The following FMN1 variants were observed in gnomAD, a reference collection of about 807,000 sequenced individuals.
FMN1 encodes the protein formin-1.
Under a neutral mutation model 132.4 loss-of-function variants are expected in FMN1, and 110 were observed. The ratio of observed to expected loss-of-function variants is 0.83; its 90% CI spans 0.71 to 0.97. The LOEUF is 0.97. Ranked by LOEUF, FMN1 falls within the 50% of genes least tolerant of loss-of-function variation. The pLI, the probability that FMN1 is intolerant of heterozygous loss-of-function variation, is 0.00. For missense variants in FMN1, 1,792 were observed against 1,705.3 expected (o/e 1.05, Z -0.90); for synonymous variants, 722 against 651.7 (o/e 1.11, Z -1.64).
intron 5 of FMN1, chr15:33,067,768 A>C (rs1356867340): frequency 6.2e-7 from 1 of 1,613,844 alleles, no homozygotes; most frequent in South Asian, 1.1e-5. Flanking sequence ...TCGTAAACCC[A>C]AATAGGGATT....
Position 33,085,229 on chromosome 15 carries a change from T to C in FMN1, c.2043+3570A>G, listed in dbSNP as rs982688928. ...ACCCAAGCAGTATACACTGCCCCAA[T>C]TTGTAGTCTTTTATAGGATACACAT... On this transcript the variant is annotated intron_variant, in intron 5 of 20. Transcript: ENST00000616417. 7.9e-5 allele frequency among the ~76,000 whole-genome samples: 12 copies of C among 152,172 alleles called. No individual in the cohort carries two copies. The East Asian group carries it at 2.3e-3, about 29-fold the overall frequency.
At chr15:33,019,532 G>A (rs796141504) in intron 6 of FMN1, among the ~76,000 whole-genome samples, 21 of 152,318 alleles carry the variant, frequency 1.4e-4, no homozygotes, top group South Asian at 6.2e-4. Context: ...TGGAGTAGGG[G>A]GCGGCGCTTG....
At chr15:33,064,605 C>G (rs2037632853) in intron 6 of FMN1, 1 of 177,012 alleles carries the variant, frequency 5.6e-6, no homozygotes, top group Non-Finnish European at 1.2e-5. Flanking sequence ...TCTAGAGAAC[C>G]ATACTCTGCC....
chr15:33,067,001 A>G (rs966885956), intron 5 of FMN1: 2 of 1,613,830 alleles, frequency 1.2e-6, no homozygotes, highest in African/African-American at 2.7e-5. Context: ...AATTTCCGTG[A>G]TGGTCTCTCC....
At chr15:32,775,318 CCACA>C (rs1252664732) in intron 20 of FMN1, among the ~76,000 whole-genome samples, 1 of 152,100 alleles carries the variant, frequency 6.6e-6, no homozygotes. Context: ...ACCCACCCAC[CCACA>C]CAGACAATAA....
intron 6 of FMN1, among the ~76,000 whole-genome samples, chr15:33,022,917 C>A (rs542626297): frequency 1.3e-5 from 2 of 151,904 alleles, no homozygotes; most frequent in Admixed American, 1.3e-4. Context: ...ACAGTGGCTC[C>A]AGCCTGTAAT....
At chr15:32,933,710 T>C (rs2061182176) in intron 9 of FMN1, among the ~76,000 whole-genome samples, 1 of 152,052 alleles carries the variant, frequency 6.6e-6, no homozygotes, top group Non-Finnish European at 1.5e-5. Flanking sequence ...TTAAATAGTG[T>C]CCTTCTTTTT....
chr15:32,866,656 T>C (rs1409212340), intron 16 of FMN1, among the ~76,000 whole-genome samples: 1 of 152,224 alleles, frequency 6.6e-6, no homozygotes. Flanking sequence ...AAATTTGCAA[T>C]ACTCACTTTT....
At chr15:33,171,966 T>C (rs766793308) in intron 3 of FMN1, among the ~76,000 whole-genome samples, 24 of 152,142 alleles carry the variant, frequency 1.6e-4, no homozygotes, top group African/African-American at 2.7e-4. Flanking sequence ...TCCCAGCACT[T>C]TGGGAGGCCA....
chr15:32,991,255 T>C (rs190467277), intron 7 of FMN1, among the ~76,000 whole-genome samples: 39 of 152,298 alleles, frequency 2.6e-4, no homozygotes, highest in African/African-American at 8.4e-4. Flanking sequence ...TTTCGCTGTC[T>C]TCTACATTCT....
At chr15:32,942,087 A>T (rs1478826176) in intron 9 of FMN1, among the ~76,000 whole-genome samples, 1 of 152,236 alleles carries the variant, frequency 6.6e-6, no homozygotes, top group East Asian at 1.9e-4. Context: ...AAGCCTTTCC[A>T]GACCCCTGCC....
In FMN1 at chr15:33,049,658, GAACTAT is replaced by G. The variant is rs2036875146; in HGVS notation, c.2161+15293_2161+15298del. Among the ~76,000 whole-genome samples, 3 of 152,286 alleles carry G rather than the reference GAACTAT, an allele frequency of 2.0e-5. 1 individual carries two copies. The South Asian group carries it at 6.2e-4, about 32-fold the overall frequency. Reference sequence around the variant, plus strand: ...GCCTACAGGTTTTTCTATACATCGTGAACTATAACAAGTGGAGATGTAAACTGACCT... The same window carrying G: ...GCCTACAGGTTTTTCTATACATCGTGAACAAGTGGAGATGTAAACTGACCT... On this transcript the variant is annotated intron_variant, in intron 6 of 20. Coordinates refer to ENST00000616417, the MANE Select transcript of FMN1 (RefSeq NM_001277313.2).
rs571554326 is a variant in FMN1, at chr15:32,936,786, G to C, written c.3139-10525C>G. ...GCAAGAGGAGGAGGAAGCAGAGGAA[G>C]AAGAAAAAACAGTTCCTTGGACAAC... On this transcript the variant is annotated intron_variant, in intron 9 of 20. Transcript: ENST00000616417. Among the ~76,000 whole-genome samples, 3 of 152,202 alleles carry C rather than the reference G, an allele frequency of 2.0e-5. 1 individual carries two copies. Among genetic ancestry groups the C allele is most frequent in the African/African-American group, 7.2e-5 (3 of 41,534 alleles).
intron 19 of FMN1, among the ~76,000 whole-genome samples, chr15:32,792,031 G>A (rs946125564): frequency 2.0e-5 from 3 of 152,008 alleles, no homozygotes; most frequent in Admixed American, 1.3e-4. Context: ...ATTTACCTTG[G>A]GGAAGGCCCA....
chr15:32,905,167 C>T (rs2141624537), intron 12 of FMN1, among the ~76,000 whole-genome samples: 1 of 152,320 alleles, frequency 6.6e-6, no homozygotes, highest in South Asian at 2.1e-4. Flanking sequence ...CTGTGTCTCA[C>T]ATTATTTGGG....
intron 5 of FMN1, among the ~76,000 whole-genome samples, chr15:33,085,989 C>T (rs961420813): frequency 1.3e-5 from 2 of 152,128 alleles, no homozygotes; most frequent in Non-Finnish European, 2.9e-5. Context: ...CGGTGGCTCA[C>T]GCCTGTAATC....
chr15:33,155,665 T>A (rs1047543150), intron 3 of FMN1, among the ~76,000 whole-genome samples: 1 of 152,222 alleles, frequency 6.6e-6, no homozygotes, highest in African/African-American at 2.4e-5. Context: ...CTGTTTTCTT[T>A]TTTATTTATT....
At chr15:32,779,009 C>T (rs1309082711) in intron 19 of FMN1, among the ~76,000 whole-genome samples, 1 of 152,084 alleles carries the variant, frequency 6.6e-6, no homozygotes, top group Non-Finnish European at 1.5e-5. Flanking sequence ...CTGATACATG[C>T]TACAACATGG....
intron 7 of FMN1, among the ~76,000 whole-genome samples, chr15:32,991,400 T>C (rs2033425552): frequency 6.6e-6 from 1 of 152,226 alleles, no homozygotes; most frequent in African/African-American, 2.4e-5. Flanking sequence ...GATTCTCATA[T>C]GCTGCATAGT....
Sources: gnomAD v4.1 joint callset for allele counts (sites outside exome capture counted in the v4.1 genomes callset) on GRCh38, gnomAD v4.1.1 for gene constraint, MANE v1.5 for transcripts, NCBI Gene and HGNC (gene_info 2026-07-23, HGNC 2026-07-21) for gene names.